The following SDCCAG8 variants were observed in gnomAD, a reference collection of about 807,000 sequenced individuals.
The protein encoded by SDCCAG8 is SHH signaling and ciliogenesis regulator SDCCAG8, also known as serologically defined colon cancer antigen 8.
Under a neutral mutation model 101.8 loss-of-function variants are expected in SDCCAG8, and 74 were observed. The observed-to-expected ratio is 0.73, with a 90% CI of 0.60 to 0.88. The LOEUF is 0.88. SDCCAG8 is among the 40% of genes least tolerant of loss of function. SDCCAG8 has a pLI of 0.00. For missense variants in SDCCAG8, 787 were observed against 822.6 expected (o/e 0.96, Z 0.53); for synonymous variants, 281 against 292.9 (o/e 0.96, Z 0.41).
intron 16 of SDCCAG8, among the ~76,000 whole-genome samples, chr1:243,478,065 A>G (rs748194362): frequency 4.6e-5 from 7 of 152,206 alleles, no homozygotes; most frequent in Non-Finnish European, 1.0e-4. Context: ...TCATTGGGGA[A>G]TCCCTGGCCT....
At chr1:243,431,997 A>G (rs1215651975) in intron 16 of SDCCAG8, among the ~76,000 whole-genome samples, 1 of 152,214 alleles carries the variant, frequency 6.6e-6, no homozygotes, top group Non-Finnish European at 1.5e-5. Context: ...ATTCTTCTAT[A>G]AACTAGATTC....
intron 12 of SDCCAG8, among the ~76,000 whole-genome samples, chr1:243,348,022 ATTTTT>A (rs111584268): frequency 8.5e-6 from 1 of 117,066 alleles, no homozygotes; most frequent in Non-Finnish European, 1.8e-5. Flanking sequence ...CTGGACATGC[ATTTTT>A]TTTTTTTTTC....
intron 13 of SDCCAG8, among the ~76,000 whole-genome samples, chr1:243,404,642 T>C (rs1442681099): frequency 1.3e-5 from 2 of 152,146 alleles, no homozygotes; most frequent in African/African-American, 4.8e-5. Context: ...TCCAGAATTG[T>C]GTGCAAAGAC....
chr1:243,414,659 C>T (rs2080440975), intron 13 of SDCCAG8, among the ~76,000 whole-genome samples: 1 of 152,082 alleles, frequency 6.6e-6, no homozygotes, highest in Non-Finnish European at 1.5e-5. Flanking sequence ...GTAGTGATAG[C>T]TTTATGGAAT....
At chr1:243,261,797 ATAAAAT>A (rs2067209437) in intron 1 of SDCCAG8, among the ~76,000 whole-genome samples, 1 of 152,024 alleles carries the variant, frequency 6.6e-6, no homozygotes, top group Non-Finnish European at 1.5e-5. Context: ...TTTTTTGCTG[ATAAAAT>A]TCAAATTATA....
At chr1:243,462,362 G>A (rs1400732963) in intron 16 of SDCCAG8, among the ~76,000 whole-genome samples, 5 of 152,204 alleles carry the variant, frequency 3.3e-5, no homozygotes, top group Non-Finnish European at 5.9e-5. Context: ...AAGTCATCTC[G>A]TGCATATAAA....
intron 12 of SDCCAG8, among the ~76,000 whole-genome samples, chr1:243,375,211 T>G (rs2077529894): frequency 1.3e-5 from 2 of 152,032 alleles, no homozygotes; most frequent in African/African-American, 4.8e-5. Context: ...ACTTAAGAAA[T>G]AGCAGTATAA....
At chr1:243,294,957 T>G (rs577713022) in intron 6 of SDCCAG8, among the ~76,000 whole-genome samples, 1 of 152,264 alleles carries the variant, frequency 6.6e-6, no homozygotes, top group African/African-American at 2.4e-5. Flanking sequence ...TTCTCATTAT[T>G]ATCCACAGAT....
At chr1:243,449,366 G>A (rs957871371) in intron 16 of SDCCAG8, among the ~76,000 whole-genome samples, 2 of 152,190 alleles carry the variant, frequency 1.3e-5, no homozygotes, top group South Asian at 2.1e-4. Flanking sequence ...ATACATTAAA[G>A]AATAATTGGT....
chr1:243,447,664 A>G (rs2083035541), intron 16 of SDCCAG8, among the ~76,000 whole-genome samples: 1 of 152,240 alleles, frequency 6.6e-6, no homozygotes, highest in Admixed American at 6.5e-5. Flanking sequence ...ATGATATCTT[A>G]GTTTTGGAAC....
chr1:243,368,624 T>C (rs1439261783), intron 12 of SDCCAG8, among the ~76,000 whole-genome samples: 1 of 152,190 alleles, frequency 6.6e-6, no homozygotes, highest in African/African-American at 2.4e-5. Context: ...TGTAAGTCAT[T>C]GAGCACCATT....
chr1:243,487,470 T>C (rs1185776244), intron 16 of SDCCAG8, among the ~76,000 whole-genome samples: 1 of 152,188 alleles, frequency 6.6e-6, no homozygotes, highest in East Asian at 1.9e-4. Flanking sequence ...AGGTGGGGTG[T>C]TGGAGCATCA....
intron 16 of SDCCAG8, among the ~76,000 whole-genome samples, chr1:243,477,016 A>ACG (rs1553374845): frequency 1.1e-5 from 1 of 88,806 alleles, no homozygotes; most frequent in Non-Finnish European, 2.5e-5. Context: ...ACACACACAC[A>ACG]CACACACACA....
At chr1:243,266,421 ACTCTGTTGC>A (rs2067591572) in intron 1 of SDCCAG8, among the ~76,000 whole-genome samples, 1 of 151,524 alleles carries the variant, frequency 6.6e-6, no homozygotes, top group South Asian at 2.1e-4. Flanking sequence ...GCTTCAAGCA[ACTCTGTTGC>A]CTCAGCCTCC....
At chr1:243,349,749 G>A (rs1558335254) in intron 12 of SDCCAG8, among the ~76,000 whole-genome samples, 1 of 151,780 alleles carries the variant, frequency 6.6e-6, no homozygotes, top group Non-Finnish European at 1.5e-5. Flanking sequence ...AATACCGTAT[G>A]ATTTTATATT....
At chr1:243,427,924 C>A (rs1210491785) in intron 16 of SDCCAG8, among the ~76,000 whole-genome samples, 1 of 152,216 alleles carries the variant, frequency 6.6e-6, no homozygotes, top group African/African-American at 2.4e-5. Context: ...GCAGGCCACA[C>A]GTGGTCTCCG....
intron 12 of SDCCAG8, among the ~76,000 whole-genome samples, chr1:243,362,657 T>G (rs1038859366): frequency 2.0e-5 from 3 of 152,214 alleles, no homozygotes; most frequent in African/African-American, 7.2e-5. Flanking sequence ...GATCCTTAGC[T>G]TTTCCACCTT....
At chr1:243,298,805 G>A (rs1212048144) in intron 6 of SDCCAG8, among the ~76,000 whole-genome samples, 1 of 152,076 alleles carries the variant, frequency 6.6e-6, no homozygotes, top group Non-Finnish European at 1.5e-5. Context: ...GTCTATTACT[G>A]GACTGTGTTT....
intron 9 of SDCCAG8, among the ~76,000 whole-genome samples, chr1:243,327,933 C>G (rs967159634): frequency 6.6e-6 from 1 of 152,148 alleles, no homozygotes; most frequent in Non-Finnish European, 1.5e-5. Flanking sequence ...GATGGAGTCT[C>G]GCTCTGTCGC....
Sources: allele counts gnomAD v4.1 joint callset (sites outside exome capture counted in the v4.1 genomes callset), GRCh38; gene constraint gnomAD v4.1.1; transcripts MANE v1.5; gene names NCBI Gene and HGNC (gene_info 2026-07-23, HGNC 2026-07-21).